FMN2: variants seen among roughly 807,000 people sequenced by gnomAD.
The protein encoded by FMN2 is formin-2.
In FMN2, 51 loss-of-function variants were observed where a neutral mutation model predicts 142.3. That is an observed-to-expected ratio of 0.36 (90% CI 0.29 to 0.45). The LOEUF (loss-of-function observed/expected upper bound fraction) is 0.45. Among genes scored for constraint, FMN2 ranks in the 20% least tolerant of loss-of-function variants. The probability of loss-of-function intolerance (pLI) is 1.00; values close to 1 mark genes in which losing one functional copy is unlikely to be tolerated. For missense variants in FMN2, 1,936 were observed against 2,122.8 expected, an observed-to-expected ratio of 0.91 and a Z score of 1.73; for synonymous variants, 882 against 869.8, an observed-to-expected ratio of 1.01 and a Z score of -0.25.
intron 8 of FMN2, among the ~76,000 whole-genome samples, chr1:240,304,313 C>T (rs868868136): frequency 6.6e-6 from 1 of 152,252 alleles, no homozygotes; most frequent in Middle Eastern, 3.4e-3. Flanking sequence ...CACATTCTCC[C>T]TCTTCCCAAG....
intron 6 of FMN2, among the ~76,000 whole-genome samples, chr1:240,225,667 C>A (rs558682214): frequency 6.6e-6 from 1 of 152,106 alleles, no homozygotes; most frequent in Non-Finnish European, 1.5e-5. Flanking sequence ...ATGTAAAGAA[C>A]AGGAAAGAGT....
intron 15 of FMN2, among the ~76,000 whole-genome samples, chr1:240,425,301 T>C (rs933986743): frequency 1.3e-5 from 2 of 151,066 alleles, no homozygotes; most frequent in Non-Finnish European, 3.0e-5. Flanking sequence ...CAAAACGTCA[T>C]GCTCTGTGAG....
At chr1:240,167,467 G>A (rs185401392) in intron 2 of FMN2, among the ~76,000 whole-genome samples, 68 of 152,262 alleles carry the variant, frequency 4.5e-4, no homozygotes, top group Non-Finnish European at 6.5e-4. Context: ...ACATGTCAGA[G>A]ATCTCAGTTC....
intron 14 of FMN2, among the ~76,000 whole-genome samples, chr1:240,384,626 C>A (rs1673353494): frequency 6.6e-6 from 1 of 152,072 alleles, no homozygotes; most frequent in African/African-American, 2.4e-5. Context: ...TTGCCTTTGT[C>A]TTTTCCTTAT....
At chr1:240,284,759 C>T (rs147583155) in intron 7 of FMN2, among the ~76,000 whole-genome samples, 28 of 152,110 alleles carry the variant, frequency 1.8e-4, no homozygotes, top group African/African-American at 4.8e-4. Context: ...TCCTTAAAAA[C>T]GTAAAAACTA....
At chr1:240,401,088 G>C (rs1192011942) in intron 15 of FMN2, 3 of 150,206 alleles carry the variant, frequency 2.0e-5, no homozygotes, top group Non-Finnish European at 4.4e-5. Context: ...TGGAGCCACT[G>C]CACTCCAGCA....
At chr1:240,398,326 G>A (rs1673858808) in intron 15 of FMN2, among the ~76,000 whole-genome samples, 1 of 152,110 alleles carries the variant, frequency 6.6e-6, no homozygotes, top group Non-Finnish European at 1.5e-5. Flanking sequence ...TATATTCACT[G>A]AACAGATATC....
intron 6 of FMN2, among the ~76,000 whole-genome samples, chr1:240,222,367 G>A (rs1336249855): frequency 6.6e-6 from 1 of 152,132 alleles, no homozygotes; most frequent in African/African-American, 2.4e-5. Context: ...TTTGGTACCA[G>A]TACCATGCTG....
intron 14 of FMN2, among the ~76,000 whole-genome samples, chr1:240,378,713 T>C (rs1673130414): frequency 6.6e-6 from 1 of 152,240 alleles, no homozygotes; most frequent in African/African-American, 2.4e-5. Context: ...AGTTTATTGT[T>C]ATTTTCCTCT....
intron 8 of FMN2, among the ~76,000 whole-genome samples, chr1:240,306,548 G>T (rs1032092727): frequency 6.6e-6 from 1 of 152,162 alleles, no homozygotes; most frequent in African/African-American, 2.4e-5. Flanking sequence ...ACAGTCTCTA[G>T]CTGCATCCAT....
intron 7 of FMN2, among the ~76,000 whole-genome samples, chr1:240,272,704 C>T (rs965214257): frequency 1.3e-5 from 2 of 152,164 alleles, no homozygotes; most frequent in East Asian, 1.9e-4. Flanking sequence ...AGTCCTTCCT[C>T]TCAGCTCAGT....
chr1:240,096,729 C>T (rs901560295), intron 1 of FMN2, among the ~76,000 whole-genome samples: 9 of 152,156 alleles, frequency 5.9e-5, no homozygotes, highest in African/African-American at 2.2e-4. Flanking sequence ...GTCAGCATTA[C>T]AGGAAGAAAC....
intron 15 of FMN2, among the ~76,000 whole-genome samples, chr1:240,419,550 G>T (rs968780024): frequency 6.6e-6 from 1 of 152,084 alleles, no homozygotes; most frequent in African/African-American, 2.4e-5. Flanking sequence ...GTAAGCTCCC[G>T]CAGTAATGGA....
At chr1:240,353,473 C>T (rs536757948) in intron 13 of FMN2, among the ~76,000 whole-genome samples, 26 of 152,318 alleles carry the variant, frequency 1.7e-4, no homozygotes, top group Admixed American at 1.2e-3. Context: ...ACTATTTATA[C>T]AGCAACTAAC....
At chr1:240,239,186 G>C (rs1176186430) in intron 6 of FMN2, among the ~76,000 whole-genome samples, 1 of 152,110 alleles carries the variant, frequency 6.6e-6, no homozygotes, top group African/African-American at 2.4e-5. Context: ...ACAGCAAAAC[G>C]CTAATTTGAG....
Position 240,438,079 on chromosome 1 carries a change from A to G in FMN2, c.4929A>G (p.Ala1643=). The G allele has an allele frequency of 1.9e-6, 3 of 1,613,926 alleles. No individual in the cohort carries two copies. Among genetic ancestry groups the G allele is most frequent in the Non-Finnish European group, 2.5e-6 (3 of 1,179,956 alleles). The part of the protein sequence containing the change: ...ETHKCFLETT[A]YFFMKPKLGE... ...TTGACAGCTTTTTGGAGACCACGGCATATTTCTTCATGAAACCAAAACTTG... is the reference window on the plus strand; with the variant it reads ...TTGACAGCTTTTTGGAGACCACGGCGTATTTCTTCATGAAACCAAAACTTG... Residue 1643 remains alanine (A), a synonymous_variant, in exon 16 of 18, where the codon GCA becomes GCG. Transcript: ENST00000319653.
intron 6 of FMN2, 51 bp from the exon 7 acceptor site, chr1:240,257,894 A>G: frequency 6.9e-7 from 1 of 1,441,742 alleles, no homozygotes; most frequent in Non-Finnish European, 9.7e-7. Flanking sequence ...GCTAGTAAGC[A>G]TATTGGAGTT....
intron 14 of FMN2, among the ~76,000 whole-genome samples, chr1:240,367,700 A>G (rs12139363): frequency 0.21 from 30,405 of 147,158 alleles, 3,202 homozygotes; most frequent in Admixed American, 0.31. Flanking sequence ...CCTGGGAGGC[A>G]GAGGTTGCAG....
chr1:240,424,935 A>G (rs1287541091), intron 15 of FMN2, among the ~76,000 whole-genome samples: 2 of 152,218 alleles, frequency 1.3e-5, no homozygotes, highest in Non-Finnish European at 2.9e-5. Context: ...ACATTCTTCA[A>G]ACAACTCCTG....
Sources: allele counts gnomAD v4.1 joint callset (sites outside exome capture counted in the v4.1 genomes callset), GRCh38; gene constraint gnomAD v4.1.1; transcripts MANE v1.5; gene names NCBI Gene and HGNC (gene_info 2026-07-23, HGNC 2026-07-21).